Variants in SHISA6 observed in about 807,000 individuals in gnomAD.
SHISA6 encodes protein shisa-6.
SHISA6 carries 22 observed loss-of-function variants against 47.9 expected under a neutral mutation model. The ratio of observed to expected loss-of-function variants is 0.46; its 90% confidence interval spans 0.33 to 0.66. SHISA6 has a LOEUF of 0.66. Among genes scored for constraint, SHISA6 ranks in the 30% least tolerant of loss-of-function variants. The pLI is 0.02. For synonymous variants in SHISA6, 388 were observed against 337.8 expected, an observed-to-expected ratio of 1.15 and a Z score of -1.63; for missense variants, 680 against 764.6, an observed-to-expected ratio of 0.89 and a Z score of 1.30.
chr17:11,352,995 T>A (rs1162978294), intron 2 of SHISA6, among the ~76,000 whole-genome samples: 1 of 152,202 alleles, frequency 6.6e-6, no homozygotes, highest in African/African-American at 2.4e-5. Context: ...CTAACCTTTA[T>A]CTTTGCCAAA....
At chr17:11,328,530 T>A (rs952407267) in intron 2 of SHISA6, among the ~76,000 whole-genome samples, 10 of 152,226 alleles carry the variant, frequency 6.6e-5, no homozygotes, top group African/African-American at 2.4e-4. Context: ...ACTGAGTTAA[T>A]ACATCTAAAG....
At chr17:11,310,976 A>G (rs928155560) in intron 2 of SHISA6, among the ~76,000 whole-genome samples, 1 of 151,984 alleles carries the variant, frequency 6.6e-6, no homozygotes. Context: ...GTGTGGTGGC[A>G]GGTGCCTGTA....
rs1023054663 is a variant in SHISA6, at chr17:11,271,455, G to A, written c.799+7929G>A. Among the ~76,000 whole-genome samples, 5 of 151,916 alleles carry A rather than the reference G, an allele frequency of 3.3e-5. No homozygotes were observed. In the East Asian group the frequency reaches 5.8e-4, roughly 18 times the overall value. Reference sequence around the variant, plus strand: ...ATTTTATTTATTTATTTTTTATTTCGAGATGGAGTTTCACTCTTGTCACCC... The same window carrying A: ...ATTTTATTTATTTATTTTTTATTTCAAGATGGAGTTTCACTCTTGTCACCC... On this transcript the variant is annotated intron_variant, in intron 2 of 5. Coordinates refer to ENST00000441885, the MANE Select transcript of SHISA6 (RefSeq NM_207386.4).
chr17:11,411,201 C>G (rs1914105886), intron 3 of SHISA6, among the ~76,000 whole-genome samples: 1 of 152,070 alleles, frequency 6.6e-6, no homozygotes, highest in Non-Finnish European at 1.5e-5. Flanking sequence ...ATCTCGTGAC[C>G]TCGTGATCTG....
At chr17:11,474,656 A>T (rs1487463799) in intron 3 of SHISA6, among the ~76,000 whole-genome samples, 2 of 151,988 alleles carry the variant, frequency 1.3e-5, no homozygotes, top group Non-Finnish European at 2.9e-5. Context: ...TGTGCCACTG[A>T]ATTATTTGTC....
chr17:11,415,202 G>A (rs867557194), intron 3 of SHISA6, among the ~76,000 whole-genome samples: 6 of 152,252 alleles, frequency 3.9e-5, no homozygotes, highest in South Asian at 2.1e-4. Flanking sequence ...GTATTTGTAT[G>A]TGATCTAATT....
chr17:11,385,867 G>A (rs1913174758), intron 3 of SHISA6, among the ~76,000 whole-genome samples: 1 of 152,136 alleles, frequency 6.6e-6, no homozygotes, highest in Admixed American at 6.5e-5. Context: ...TCCCAAGAAA[G>A]GGAGCAATCA....
intron 3 of SHISA6, among the ~76,000 whole-genome samples, chr17:11,388,441 C>G (rs1913263957): frequency 2.0e-5 from 3 of 152,048 alleles, no homozygotes; most frequent in African/African-American, 7.2e-5. Context: ...CACCAAAGAT[C>G]TCAGCTGACT....
At chr17:11,286,357 G>T (rs1451332094) in intron 2 of SHISA6, among the ~76,000 whole-genome samples, 1 of 152,064 alleles carries the variant, frequency 6.6e-6, no homozygotes, top group Non-Finnish European at 1.5e-5. Context: ...TCTGCCCTAG[G>T]AATTCCCATA....
intron 3 of SHISA6, among the ~76,000 whole-genome samples, chr17:11,496,933 T>C (rs1597551536): frequency 6.6e-6 from 1 of 152,166 alleles, no homozygotes; most frequent in African/African-American, 2.4e-5. Flanking sequence ...CAAGAGAAGA[T>C]AGGAATCCAG....
At chr17:11,332,382 C>T (rs1272253437) in intron 2 of SHISA6, among the ~76,000 whole-genome samples, 1 of 152,122 alleles carries the variant, frequency 6.6e-6, no homozygotes, top group African/African-American at 2.4e-5. Flanking sequence ...TCTGTCCGTC[C>T]TTATGGGTAA....
intron 3 of SHISA6, among the ~76,000 whole-genome samples, chr17:11,505,217 C>T (rs2071489339): frequency 6.6e-6 from 1 of 152,214 alleles, no homozygotes; most frequent in African/African-American, 2.4e-5. Context: ...ATAATTATTA[C>T]CTCTCCTCTA....
intron 2 of SHISA6, among the ~76,000 whole-genome samples, chr17:11,293,768 A>T (rs1489012435): frequency 6.6e-6 from 1 of 152,114 alleles, no homozygotes; most frequent in African/African-American, 2.4e-5. Flanking sequence ...AACCTCATAG[A>T]TCTGTCTTGA....
intron 3 of SHISA6, among the ~76,000 whole-genome samples, chr17:11,497,422 G>C (rs929243359): frequency 6.6e-6 from 1 of 152,110 alleles, no homozygotes; most frequent in Admixed American, 6.5e-5. Context: ...GAGGACCACT[G>C]AATAGACTAC....
intron 2 of SHISA6, among the ~76,000 whole-genome samples, chr17:11,332,243 G>GA (rs145476135): frequency 0.28 from 42,056 of 149,510 alleles, 6,355 homozygotes; most frequent in African/African-American, 0.41. Context: ...CAGCGTTGGG[G>GA]AAAAAAAAAA....
chr17:11,251,077 A>G (rs937812712), intron 1 of SHISA6, among the ~76,000 whole-genome samples: 1 of 152,172 alleles, frequency 6.6e-6, no homozygotes, highest in Admixed American at 6.5e-5. Context: ...TCACACAGCT[A>G]GTACATTGCT....
chr17:11,350,182 A>ATTTATTTTTTTTTTTTT (rs964679787), intron 2 of SHISA6, among the ~76,000 whole-genome samples: 1 of 116,240 alleles, frequency 8.6e-6, no homozygotes, highest in African/African-American at 3.3e-5. Context: ...TTATTTATTT[A>ATTTATTTTTTTTTTTTT]TTTTTTTTTT....
At chr17:11,491,999 G>C (rs1567620108) in intron 3 of SHISA6, among the ~76,000 whole-genome samples, 2 of 152,102 alleles carry the variant, frequency 1.3e-5, no homozygotes. Flanking sequence ...TCGATCTCTT[G>C]ACCTCATGAT....
intron 2 of SHISA6, among the ~76,000 whole-genome samples, chr17:11,330,663 A>G (rs1911069372): frequency 6.6e-6 from 1 of 152,222 alleles, no homozygotes. Context: ...GGTGCTATTC[A>G]TTACAGAAAA....
Sources: allele counts gnomAD v4.1 joint callset (sites outside exome capture counted in the v4.1 genomes callset), GRCh38; gene constraint gnomAD v4.1.1; transcripts MANE v1.5; gene names NCBI Gene and HGNC (gene_info 2026-07-23, HGNC 2026-07-21).